Variants in DCK observed in about 807,000 individuals in gnomAD.
DCK encodes deoxycytidine kinase.
A neutral mutation model predicts 38.3 loss-of-function variants in DCK; 23 were observed. The ratio of observed to expected loss-of-function variants is 0.60; its 90% confidence interval spans 0.43 to 0.85. The LOEUF (loss-of-function observed/expected upper bound fraction) is 0.85, where lower values mean the gene tolerates loss of function less well. DCK is among the 40% of genes least tolerant of loss of function. The pLI is 0.00. For missense variants in DCK, 259 were observed against 304.4 expected, an observed-to-expected ratio of 0.85 and a Z score of 1.11; for synonymous variants, 108 against 100.6, an observed-to-expected ratio of 1.07 and a Z score of -0.44.
intron 2 of DCK, among the ~76,000 whole-genome samples, chr4:71,006,738 A>G (rs1415372399): frequency 6.6e-6 from 1 of 152,124 alleles, no homozygotes; most frequent in East Asian, 1.9e-4. Flanking sequence ...AGCCCAAGAA[A>G]TTGAGACTGT....
At chr4:71,011,772 A>G (rs1349868216) in intron 2 of DCK, among the ~76,000 whole-genome samples, 1 of 152,200 alleles carries the variant, frequency 6.6e-6, no homozygotes, top group African/African-American at 2.4e-5. Context: ...AAGATAAATG[A>G]TTTTATAGCT....
At chr4:71,024,249 A>G (rs906903945) in intron 4 of DCK, among the ~76,000 whole-genome samples, 2 of 152,122 alleles carry the variant, frequency 1.3e-5, no homozygotes, top group African/African-American at 4.8e-5. Flanking sequence ...ATCGTTGGGA[A>G]AAGACTTAGA....
chr4:71,015,805 G>T (rs1404098759), intron 2 of DCK, among the ~76,000 whole-genome samples: 4 of 152,126 alleles, frequency 2.6e-5, no homozygotes, highest in African/African-American at 9.7e-5. Flanking sequence ...AGCTATTTAT[G>T]ACAAACCCAC....
At chr4:71,004,432 G>A (rs1004092428) in intron 2 of DCK, among the ~76,000 whole-genome samples, 2 of 152,208 alleles carry the variant, frequency 1.3e-5, no homozygotes, top group Non-Finnish European at 2.9e-5. Flanking sequence ...AGGAGGCATG[G>A]GGGTCATGGA....
chr4:71,016,220 T>C (rs1484151865), intron 2 of DCK, among the ~76,000 whole-genome samples: 1 of 152,132 alleles, frequency 6.6e-6, no homozygotes, highest in Non-Finnish European at 1.5e-5. Context: ...GGAATCCAAC[T>C]TACAAGGGAT....
At chr4:71,020,057 G>A (rs1189968022) in intron 2 of DCK, among the ~76,000 whole-genome samples, 1 of 152,152 alleles carries the variant, frequency 6.6e-6, no homozygotes, top group Non-Finnish European at 1.5e-5. Flanking sequence ...CAAAGTGTTG[G>A]GATTACAGGC....
At chr4:71,005,293 A>G (rs1578420617) in intron 2 of DCK, among the ~76,000 whole-genome samples, 1 of 151,442 alleles carries the variant, frequency 6.6e-6, no homozygotes, top group African/African-American at 2.4e-5. Flanking sequence ...TGTGGGCTGC[A>G]CCCACTGTAT....
intron 6 of DCK, chr4:71,028,631 C>G: frequency 2.3e-6 from 1 of 430,536 alleles, no homozygotes. Context: ...AGTCTTGCTC[C>G]GTCGCCCAGG....
At chr4:71,002,479 C>G (rs1739831221) in intron 2 of DCK, among the ~76,000 whole-genome samples, 1 of 152,128 alleles carries the variant, frequency 6.6e-6, no homozygotes, top group Non-Finnish European at 1.5e-5. Flanking sequence ...TCTTTCAGGT[C>G]TGCTTGGTCC....
chr4:71,018,776 A>G (rs1740338439), intron 2 of DCK, among the ~76,000 whole-genome samples: 1 of 150,068 alleles, frequency 6.7e-6, no homozygotes. Context: ...GGCATAAGCA[A>G]TTCTCCCACC....
intron 3 of DCK, among the ~76,000 whole-genome samples, chr4:71,023,053 C>G (rs1740467875): frequency 6.6e-6 from 1 of 152,002 alleles, no homozygotes; most frequent in Admixed American, 6.5e-5. Flanking sequence ...AAGAGCATGT[C>G]CTATTGATAC....
At chr4:71,022,614 A>AT in intron 3 of DCK, 54 bp downstream of exon 3, 3 of 1,020,918 alleles carry the variant, frequency 2.9e-6, no homozygotes, top group East Asian at 3.0e-5. Context: ...TTAGAACTGG[A>AT]CTTTTTTTTT....
chr4:70,999,266 C>T (rs950976973), intron 2 of DCK, among the ~76,000 whole-genome samples: 12 of 152,102 alleles, frequency 7.9e-5, no homozygotes, highest in East Asian at 7.7e-4. Context: ...TTAGAACATG[C>T]GGTGTTTGGT....
chr4:71,017,874 C>T (rs1740312610), intron 2 of DCK, among the ~76,000 whole-genome samples: 1 of 151,826 alleles, frequency 6.6e-6, no homozygotes, highest in East Asian at 1.9e-4. Context: ...CACATGTATA[C>T]ATATGTAACA....
chr4:71,026,764 A>C lies in DCK; in HGVS notation c.756+9A>C. Reference sequence around the variant, plus strand: ...AAAGTCTGGTTGAAAAGGTAGATTTAGACAGACTACAAACAAATATTTGTT... The same window carrying C: ...AAAGTCTGGTTGAAAAGGTAGATTTCGACAGACTACAAACAAATATTTGTT... On this transcript the variant is annotated intron_variant, in intron 6 of 6. Transcript: ENST00000286648. 4 of 1,300,464 alleles carry C rather than the reference A, an allele frequency of 3.1e-6. No homozygotes were observed. Among genetic ancestry groups the C allele is most frequent in the Non-Finnish European group, 4.4e-6 (4 of 907,680 alleles). The allele number at this position is 1,300,464 out of a possible 1,614,324, so 80.6% of individuals were successfully genotyped here.
intron 2 of DCK, among the ~76,000 whole-genome samples, chr4:71,010,748 T>G (rs1740070416): frequency 6.7e-6 from 1 of 149,204 alleles, no homozygotes; most frequent in South Asian, 2.1e-4. Context: ...ACATGATGTT[T>G]TAAAATATGT....
At chr4:71,028,759 A>AT (rs11394166) in intron 6 of DCK, 193,286 of 250,462 alleles carry the variant, frequency 0.77, 69,612 homozygotes, top group African/African-American at 0.96. Context: ...TGCCTAGCTA[A>AT]TTTTTTTTTT....
intron 2 of DCK, among the ~76,000 whole-genome samples, chr4:71,002,206 T>G (rs1436069779): frequency 6.6e-6 from 1 of 152,224 alleles, no homozygotes; most frequent in Non-Finnish European, 1.5e-5. Context: ...ACTTATTTAT[T>G]TCTGCCCTAA....
intron 1 of DCK, among the ~76,000 whole-genome samples, chr4:70,996,505 T>C (rs1205904754): frequency 6.6e-6 from 1 of 152,254 alleles, no homozygotes; most frequent in Non-Finnish European, 1.5e-5. Context: ...AATTGGTGTT[T>C]AGATGGAGCA....
Sources: gnomAD v4.1 joint callset for allele counts (sites outside exome capture counted in the v4.1 genomes callset) on GRCh38, gnomAD v4.1.1 for gene constraint, MANE v1.5 for transcripts, NCBI Gene and HGNC (gene_info 2026-07-23, HGNC 2026-07-21) for gene names.